SPATS2: variants seen among roughly 807,000 people sequenced by gnomAD.
SPATS2 encodes the protein spermatogenesis-associated serine-rich protein 2.
Under a neutral mutation model 63.7 loss-of-function variants are expected in SPATS2, and 38 were observed. The ratio of observed to expected loss-of-function variants is 0.60; its 90% confidence interval spans 0.46 to 0.78. The LOEUF (loss-of-function observed/expected upper bound fraction) is 0.78. SPATS2 is among the 30% of genes least tolerant of loss of function. The pLI, the probability that SPATS2 is intolerant of heterozygous loss-of-function variation, is 0.00. For synonymous variants in SPATS2, 207 were observed against 232.9 expected (o/e 0.89, Z 1.01); for missense variants, 588 against 666.2 (o/e 0.88, Z 1.29).
chr12:49,483,184 C>A (rs1418977719), intron 3 of SPATS2, among the ~76,000 whole-genome samples: 1 of 148,984 alleles, frequency 6.7e-6, no homozygotes, highest in Non-Finnish European at 1.5e-5. Context: ...GTAATAGAAC[C>A]CAAAATGCTG....
intron 9 of SPATS2, among the ~76,000 whole-genome samples, chr12:49,513,146 A>G (rs180887586): frequency 2.2e-4 from 33 of 152,340 alleles, no homozygotes; most frequent in African/African-American, 7.9e-4. Flanking sequence ...TAGTCTCCAC[A>G]TTAACTACTT....
intron 2 of SPATS2, among the ~76,000 whole-genome samples, chr12:49,376,406 AT>A (rs1267689986): frequency 8.0e-5 from 12 of 150,692 alleles, no homozygotes; most frequent in Non-Finnish European, 1.3e-4. Context: ...CCCGCCCCTG[AT>A]TTTTTTTAAG....
intron 8 of SPATS2, among the ~76,000 whole-genome samples, chr12:49,499,453 C>G (rs1302334763): frequency 6.8e-6 from 1 of 147,674 alleles, no homozygotes; most frequent in African/African-American, 2.5e-5. Context: ...TTTGGTGGTT[C>G]TTTGGTTTTG....
intron 2 of SPATS2, among the ~76,000 whole-genome samples, chr12:49,395,327 C>T (rs893809881): frequency 6.6e-6 from 1 of 151,304 alleles, no homozygotes; most frequent in Admixed American, 6.6e-5. Context: ...TGCCTGATTG[C>T]ACTGGCTGGG....
intron 2 of SPATS2, among the ~76,000 whole-genome samples, chr12:49,417,029 T>G (rs1280455182): frequency 6.6e-6 from 1 of 152,212 alleles, no homozygotes; most frequent in African/African-American, 2.4e-5. Context: ...GCCTCTCTTC[T>G]TTTAAATGTT....
At chr12:49,478,166 A>G (rs1240772290) in intron 3 of SPATS2, among the ~76,000 whole-genome samples, 1 of 151,786 alleles carries the variant, frequency 6.6e-6, no homozygotes, top group Non-Finnish European at 1.5e-5. Flanking sequence ...TTTTATAGAA[A>G]TGGGGACTAG....
chr12:49,463,881 T>C, intron 3 of SPATS2, among the ~76,000 whole-genome samples: 1 of 152,238 alleles, frequency 6.6e-6, no homozygotes, highest in East Asian at 1.9e-4. Flanking sequence ...GGAGTTAAAC[T>C]TGAACAGCTT....
At chr12:49,405,371 A>C (rs1010336832) in intron 2 of SPATS2, among the ~76,000 whole-genome samples, 7 of 152,134 alleles carry the variant, frequency 4.6e-5, no homozygotes, top group African/African-American at 1.7e-4. Flanking sequence ...TTGTGTTATA[A>C]TTAATTGTTC....
intron 2 of SPATS2, among the ~76,000 whole-genome samples, chr12:49,417,646 T>A (rs891333755): frequency 1.3e-5 from 2 of 152,226 alleles, no homozygotes; most frequent in African/African-American, 4.8e-5. Flanking sequence ...TTGCTGTTTC[T>A]TTATCTTTCT....
chr12:49,462,276 A>G, intron 3 of SPATS2: 1 of 702,274 alleles, frequency 1.4e-6, no homozygotes, highest in Non-Finnish European at 2.6e-6. Context: ...TCCTCACAGG[A>G]AGGAGAGCGC....
At chr12:49,418,113 T>TTTGTTTTG (rs1565711783) in intron 2 of SPATS2, among the ~76,000 whole-genome samples, 2 of 138,766 alleles carry the variant, frequency 1.4e-5, no homozygotes, top group Non-Finnish European at 3.1e-5. Context: ...ACTCAGTTTT[T>TTTGTTTTG]TTTTTTTTTT....
chr12:49,391,314 C>A (rs1944414418), intron 2 of SPATS2, among the ~76,000 whole-genome samples: 1 of 152,174 alleles, frequency 6.6e-6, no homozygotes, highest in South Asian at 2.1e-4. Context: ...GAGTTTGAGA[C>A]CAGCCTGGCC....
chr12:49,451,854 AT>A (rs1945628800), intron 2 of SPATS2, among the ~76,000 whole-genome samples: 1 of 152,168 alleles, frequency 6.6e-6, no homozygotes, highest in South Asian at 2.1e-4. Flanking sequence ...TTTCACCTTC[AT>A]TTTTGAAAGA....
At chr12:49,448,762 G>A (rs1322261903) in intron 2 of SPATS2, among the ~76,000 whole-genome samples, 2 of 149,530 alleles carry the variant, frequency 1.3e-5, no homozygotes, top group African/African-American at 4.9e-5. Flanking sequence ...GAAATGTTTA[G>A]CGATTTCCCA....
At chr12:49,451,609 G>A (rs1945624834) in intron 2 of SPATS2, among the ~76,000 whole-genome samples, 1 of 152,146 alleles carries the variant, frequency 6.6e-6, no homozygotes, top group South Asian at 2.1e-4. Flanking sequence ...TGTTGCCCAG[G>A]CTGGCCTTGG....
chr12:49,390,245 T>A, intron 2 of SPATS2: 1 of 827,466 alleles, frequency 1.2e-6, no homozygotes, highest in Non-Finnish European at 1.9e-6. Flanking sequence ...GAAAATTCAA[T>A]CCATTATTTT....
chr12:49,511,499 CAT>C (rs1946752965), intron 9 of SPATS2, among the ~76,000 whole-genome samples: 1 of 152,030 alleles, frequency 6.6e-6, no homozygotes. Context: ...CTTATTATGG[CAT>C]ATTTCCATTC....
intron 3 of SPATS2, among the ~76,000 whole-genome samples, chr12:49,473,901 A>G (rs1280346661): frequency 6.6e-6 from 1 of 152,246 alleles, no homozygotes; most frequent in Non-Finnish European, 1.5e-5. Context: ...CAGTGATTGT[A>G]TTAGTCCGTT....
chr12:49,382,996 C>T (rs1014106987), intron 2 of SPATS2, among the ~76,000 whole-genome samples: 4 of 151,232 alleles, frequency 2.6e-5, no homozygotes, highest in African/African-American at 7.3e-5. Context: ...TGAGCCACTG[C>T]GCCCGGCCTT....
Sources: gnomAD v4.1 joint callset for allele counts (sites outside exome capture counted in the v4.1 genomes callset) on GRCh38, gnomAD v4.1.1 for gene constraint, MANE v1.5 for transcripts, NCBI Gene and HGNC (gene_info 2026-07-23, HGNC 2026-07-21) for gene names.